MAGI3: variants seen among roughly 807,000 people sequenced by gnomAD.
MAGI3 encodes the protein membrane associated guanylate kinase, WW and PDZ domain containing 3, also known as membrane-associated guanylate kinase, WW and PDZ domain-containing protein 3.
A neutral mutation model predicts 121.8 loss-of-function variants in MAGI3; 43 were observed. The ratio of observed to expected loss-of-function variants is 0.35; its 90% CI spans 0.28 to 0.46. MAGI3 has a LOEUF of 0.46. Ranked by LOEUF, MAGI3 falls within the 20% of genes least tolerant of loss-of-function variation. The pLI is 1.00. For missense variants in MAGI3, 1,547 were observed against 1,797.3 expected (o/e 0.86, Z 2.52); for synonymous variants, 553 against 639.3 (o/e 0.86, Z 2.04).
intron 15 of MAGI3, among the ~76,000 whole-genome samples, chr1:113,656,898 G>A (rs1200311101): frequency 5.9e-5 from 9 of 152,196 alleles, no homozygotes; most frequent in Non-Finnish European, 7.3e-5. Context: ...AATGAATGGA[G>A]TACTTAGAAA....
At chr1:113,392,439 T>G (rs1286813138) in intron 1 of MAGI3, among the ~76,000 whole-genome samples, 3 of 152,202 alleles carry the variant, frequency 2.0e-5, no homozygotes, top group Admixed American at 6.5e-5. Flanking sequence ...AAATTCTGGA[T>G]AAAAATTTAA....
At chr1:113,583,335 A>G (rs1320728690) in intron 3 of MAGI3, among the ~76,000 whole-genome samples, 1 of 151,356 alleles carries the variant, frequency 6.6e-6, no homozygotes, top group African/African-American at 2.4e-5. Flanking sequence ...TTTTTTTTTA[A>G]TCTGAGCCCC....
chr1:113,525,041 G>A (rs1048746130), intron 1 of MAGI3, among the ~76,000 whole-genome samples: 1 of 152,122 alleles, frequency 6.6e-6, no homozygotes, highest in African/African-American at 2.4e-5. Context: ...CTCTTCTCTT[G>A]TCTGCCACTG....
At chr1:113,679,068 C>A (rs746114727) in intron 19 of MAGI3, among the ~76,000 whole-genome samples, 3 of 152,154 alleles carry the variant, frequency 2.0e-5, no homozygotes, top group African/African-American at 4.8e-5. Context: ...CAGTATCCTT[C>A]ATTTTACATG....
At chr1:113,559,123 G>A (rs1199908326) in intron 2 of MAGI3, among the ~76,000 whole-genome samples, 4 of 152,218 alleles carry the variant, frequency 2.6e-5, no homozygotes, top group African/African-American at 9.6e-5. Context: ...GACCAGTGAC[G>A]TTATGAAGCA....
chr1:113,404,300 G>C (rs1286384011), intron 1 of MAGI3: 1 of 152,126 alleles, frequency 6.6e-6, no homozygotes, highest in Non-Finnish European at 1.5e-5. Flanking sequence ...CCAATTAAGG[G>C]TGGGAGCTTC....
chr1:113,529,721 A>G (rs1487567815), intron 1 of MAGI3, among the ~76,000 whole-genome samples: 2 of 152,160 alleles, frequency 1.3e-5, no homozygotes, highest in African/African-American at 4.8e-5. Flanking sequence ...TCTCTCCTAT[A>G]TGACAAAATT....
chr1:113,661,311 T>C (rs766642058), intron 16 of MAGI3, among the ~76,000 whole-genome samples: 3 of 152,250 alleles, frequency 2.0e-5, no homozygotes, highest in Non-Finnish European at 4.4e-5. Flanking sequence ...TTAATAAGTG[T>C]GTACTATGTG....
At chr1:113,429,762 G>A (rs1284548713) in intron 1 of MAGI3, among the ~76,000 whole-genome samples, 1 of 152,182 alleles carries the variant, frequency 6.6e-6, no homozygotes, top group African/African-American at 2.4e-5. Context: ...TGCAGAAAAA[G>A]TAGGGGTATT....
chr1:113,552,427 T>C (rs1325968095), intron 2 of MAGI3, among the ~76,000 whole-genome samples: 2 of 152,214 alleles, frequency 1.3e-5, no homozygotes, highest in Non-Finnish European at 2.9e-5. Flanking sequence ...TTAAAGAGTT[T>C]GGTAGCAATC....
At chr1:113,395,116 T>TTTTTTTTTTTA (rs1651035975) in intron 1 of MAGI3, among the ~76,000 whole-genome samples, 5 of 90,566 alleles carry the variant, frequency 5.5e-5, no homozygotes, top group African/African-American at 1.8e-4. Context: ...TTTTTTTTTT[T>TTTTTTTTTTTA]AGTGGGATAT....
chr1:113,683,077 A>G lies in MAGI3; in HGVS notation c.3509A>G (p.Lys1170Arg). 6.2e-7 allele frequency: 1 copy of G among 1,613,184 alleles called. No individual in the cohort carries two copies. The highest frequency in any genetic ancestry group is 2.2e-5 in the East Asian group (1 of 44,880). The change falls in exon 21 of 21, where the codon AAG becomes AGG. Residue 1170 changes from lysine (K) to arginine (R), a missense_variant. Transcript: ENST00000307546. ...AEELKDIVPEKKSTLNENQPE... is the reference protein window; with the variant it reads ...AEELKDIVPERKSTLNENQPE... ...GAATTAAAGGACATTGTGCCTGAAA[A>G]GAAAAGCACTTTAAATGAAAATCAG... is the stretch of plus-strand genomic sequence containing the variant.
chr1:113,649,513 G>A (rs536749662), intron 13 of MAGI3, among the ~76,000 whole-genome samples, 185 bp downstream of exon 13: 1 of 152,052 alleles, frequency 6.6e-6, no homozygotes, highest in Non-Finnish European at 1.5e-5. Flanking sequence ...TAAAAACTGT[G>A]GGTAAAAACT....
chr1:113,641,049 GATATATT>G (rs1557868959), intron 9 of MAGI3, among the ~76,000 whole-genome samples: 20 of 107,034 alleles, frequency 1.9e-4, no homozygotes, highest in African/African-American at 4.1e-4. Flanking sequence ...TAATATATAT[GATATATT>G]ATATATGATA....
In MAGI3 at chr1:113,549,519, A is replaced by T; in HGVS notation, c.321A>T (p.Lys107Asn). 6.4e-7 allele frequency: 1 copy of T among 1,560,520 alleles called. No homozygotes were observed. Among genetic ancestry groups the T allele is most frequent in the Non-Finnish European group, 8.7e-7 (1 of 1,146,938 alleles). Reference protein sequence around the residue: ...PIRLKTVKPGKVINKDLRHYL... With the variant: ...PIRLKTVKPGNVINKDLRHYL... ...TTTTTTTTGTCTTTGCTCCAGGCAA[A>T]GTCATTAATAAAGATTTGCGGCATT... Residue 107 changes from lysine to asparagine, a missense_variant, in exon 2 of 21, where the codon AAA becomes AAT. Physicochemically the swap from Lys to Asn is moderately conservative, Grantham distance 94 (BLOSUM62 0). Coordinates refer to ENST00000307546, the MANE Select transcript of MAGI3 (RefSeq NM_001142782.2).
intron 1 of MAGI3, among the ~76,000 whole-genome samples, chr1:113,410,297 G>A (rs1438636029): frequency 6.6e-6 from 1 of 151,934 alleles, no homozygotes. Flanking sequence ...CCTGGATTTT[G>A]GTTCTTAGTC....
At chr1:113,402,711 A>G (rs1055413315) in intron 1 of MAGI3, among the ~76,000 whole-genome samples, 1 of 152,026 alleles carries the variant, frequency 6.6e-6, no homozygotes, top group Admixed American at 6.6e-5. Context: ...TGTCAAGGAT[A>G]CCTTTGGCTC....
chr1:113,559,707 A>G (rs1048034189), intron 2 of MAGI3, among the ~76,000 whole-genome samples: 3 of 152,120 alleles, frequency 2.0e-5, no homozygotes, highest in African/African-American at 4.8e-5. Context: ...AGCTGGGACT[A>G]TAGGTGCCCA....
intron 1 of MAGI3, among the ~76,000 whole-genome samples, chr1:113,432,669 A>G (rs1033306043): frequency 1.3e-5 from 2 of 152,024 alleles, no homozygotes; most frequent in African/African-American, 4.8e-5. Context: ...TTTTATGTTT[A>G]TCATGAAGGA....
Sources: gnomAD v4.1 joint callset for allele counts (sites outside exome capture counted in the v4.1 genomes callset) on GRCh38, gnomAD v4.1.1 for gene constraint, MANE v1.5 for transcripts, NCBI Gene and HGNC (gene_info 2026-07-23, HGNC 2026-07-21) for gene names.